The following PDILT variants were observed in gnomAD, a reference collection of about 807,000 sequenced individuals.
PDILT encodes the protein protein disulfide isomerase like, testis expressed, also known as protein disulfide-isomerase-like protein of the testis.
A neutral mutation model predicts 53.7 loss-of-function variants in PDILT; 43 were observed. The observed-to-expected ratio is 0.80, with a 90% CI of 0.63 to 1.03. The LOEUF is 1.03. PDILT is among the 50% of genes least tolerant of loss of function. The probability of loss-of-function intolerance (pLI) is 0.00; values close to 1 mark genes in which losing one functional copy is unlikely to be tolerated. For synonymous variants in PDILT, 282 were observed against 274.2 expected, an observed-to-expected ratio of 1.03 and a Z score of -0.28; for missense variants, 727 against 712.3, an observed-to-expected ratio of 1.02 and a Z score of -0.24.
chr16:20,365,853 C>A (rs938336517), intron 8 of PDILT, among the ~76,000 whole-genome samples: 3 of 151,792 alleles, frequency 2.0e-5, no homozygotes, highest in East Asian at 1.9e-4. Context: ...GAGGCCGAGG[C>A]GGGTGGATCA....
At chr16:20,384,912 GATT>G in intron 2 of PDILT, 61 bp from the exon 3 acceptor site, 1 of 1,522,652 alleles carries the variant, frequency 6.6e-7, no homozygotes, top group Non-Finnish European at 9.1e-7. Flanking sequence ...TCCAACAGTA[GATT>G]ATTTGTTGGG....
intron 3 of PDILT, among the ~76,000 whole-genome samples, chr16:20,382,111 CT>C (rs1328813697): frequency 6.6e-6 from 1 of 152,114 alleles, no homozygotes; most frequent in Non-Finnish European, 1.5e-5. Context: ...GTTGACCAGG[CT>C]GGTCTCAAAC....
Position 20,399,410 on chromosome 16 carries a change from G to C in PDILT, c.-7-103C>G, listed in dbSNP as rs554483313. The stretch of plus-strand genomic sequence containing the variant: ...TCCAGCTGGTCCATGTAGGGTGAAT[G>C]TGGCCTGAGCATTGCCTCCCAGCAA... On this transcript the variant is annotated intron_variant, in intron 1 of 11. Coordinates refer to ENST00000302451, the MANE Select transcript of PDILT (RefSeq NM_174924.2). The C allele has an allele frequency of 9.2e-5, 117 of 1,272,978 alleles. 1 individual carries two copies. In the East Asian group the frequency reaches 2.6e-3, roughly 28 times the overall value. 78.9% of individuals were successfully genotyped at this position (1,272,978 alleles called of 1,614,324 possible). A position where few individuals can be genotyped will look rare whatever the true frequency, so the allele number is the denominator to read the frequency against.
intron 1 of PDILT, among the ~76,000 whole-genome samples, chr16:20,400,012 C>CTCCATCTATCTATCTA (rs1555492345): frequency 7.1e-6 from 1 of 141,716 alleles, no homozygotes; most frequent in African/African-American, 2.7e-5. Flanking sequence ...TTGAATATAT[C>CTCCATCTATCTATCTA]TCTATCTATC....
intron 2 of PDILT, among the ~76,000 whole-genome samples, chr16:20,385,648 A>G (rs1966524533): frequency 6.6e-6 from 1 of 152,080 alleles, no homozygotes; most frequent in South Asian, 2.1e-4. Flanking sequence ...AAAGAACATG[A>G]CTAAGGTGAT....
intron 2 of PDILT, among the ~76,000 whole-genome samples, chr16:20,398,871 C>A (rs1220175150): frequency 1.3e-5 from 2 of 152,218 alleles, no homozygotes; most frequent in Admixed American, 6.5e-5. Flanking sequence ...GAGCCACATA[C>A]AAATCCAAGA....
intron 10 of PDILT, among the ~76,000 whole-genome samples, chr16:20,361,684 A>T (rs182055794): frequency 1.3e-5 from 2 of 152,158 alleles, no homozygotes; most frequent in East Asian, 3.9e-4. Flanking sequence ...TGCTGGGGTC[A>T]CCCTTCTGCC....
rs753509112 is a variant in PDILT at position 20,384,670 on chromosome 16, G to T, written c.384C>A (p.Asn128Lys). 6.2e-7 allele frequency: 1 copy of T among 1,614,164 alleles called. No individual in the cohort carries two copies. The highest frequency in any genetic ancestry group is 1.7e-5 in the Admixed American group (1 of 60,022). Residue 128 changes from asparagine (N) to lysine (K), a missense_variant, in exon 3 of 12, where the codon AAC becomes AAA. Coordinates refer to ENST00000302451, the MANE Select transcript of PDILT (RefSeq NM_174924.2). Reference sequence around the variant, plus strand: ...CTTTGCAGCTGATGGGCTCTGACCTGTTGCCCTCAAAAAACAGCTTCAACT... The same window carrying T: ...CTTTGCAGCTGATGGGCTCTGACCTTTTGCCCTCAAAAAACAGCTTCAACT... ...APELKLFFEGNRSEPISCKGV... is the reference protein window; with the variant it reads ...APELKLFFEGKRSEPISCKGV...
At chr16:20,394,453 T>A (rs1966639298) in intron 2 of PDILT, among the ~76,000 whole-genome samples, 1 of 152,138 alleles carries the variant, frequency 6.6e-6, no homozygotes, top group Non-Finnish European at 1.5e-5. Context: ...TTCCTCTTGG[T>A]GTATACAGCC....
chr16:20,377,302 A>G (rs1330526220), intron 3 of PDILT, among the ~76,000 whole-genome samples: 1 of 152,192 alleles, frequency 6.6e-6, no homozygotes, highest in Non-Finnish European at 1.5e-5. Context: ...TATGAGATAA[A>G]GCAATATTCG....
chr16:20,362,405 T>C lies in PDILT; in HGVS notation c.1415A>G (p.Gln472Arg), dbSNP rs763137688. The change falls in exon 10 of 12, where the codon CAA becomes CGA. Residue 472 changes from glutamine (Q) to arginine (R), a missense_variant and splice_region_variant. Physicochemically the swap from Gln to Arg is conservative, Grantham distance 43. Transcript: ENST00000302451. ...ATGTGCGTCCCAAGAGCCCCTCACT[T>C]GTTGAGAGCCGCTGGGGAACAGCCT... is the stretch of plus-strand genomic sequence containing the variant. ...FFRLFPSGSQ[Q>R]AVLYKGEHTL... 23 of 1,613,832 alleles carry C rather than the reference T, an allele frequency of 1.4e-5. No individual in the cohort carries two copies. Among genetic ancestry groups the C allele is most frequent in the Non-Finnish European group, 1.9e-5 (23 of 1,179,914 alleles).
intron 2 of PDILT, among the ~76,000 whole-genome samples, chr16:20,386,356 A>T (rs965227758): frequency 1.3e-5 from 2 of 152,146 alleles, no homozygotes; most frequent in African/African-American, 4.8e-5. Context: ...GAGCCAGGGC[A>T]GGGGGTCATT....
chr16:20,372,072 AT>A (rs1317217996), intron 7 of PDILT, among the ~76,000 whole-genome samples: 1 of 152,170 alleles, frequency 6.6e-6, no homozygotes, highest in Non-Finnish European at 1.5e-5. Flanking sequence ...GAAGAGAAAA[AT>A]TAATCAACTA....
chr16:20,397,232 C>T (rs555681136), intron 2 of PDILT, among the ~76,000 whole-genome samples: 1 of 152,246 alleles, frequency 6.6e-6, no homozygotes, highest in African/African-American at 2.4e-5. Context: ...ACCTCCTGGG[C>T]TCAAGCGATT....
intron 2 of PDILT, among the ~76,000 whole-genome samples, chr16:20,396,271 G>A (rs372978404): frequency 2.0e-5 from 3 of 152,152 alleles, no homozygotes; most frequent in East Asian, 3.8e-4. Context: ...GGAAGAACTC[G>A]GCTTTACACT....
intron 8 of PDILT, 90 bp downstream of exon 8, chr16:20,369,402 A>G: frequency 7.3e-7 from 1 of 1,372,630 alleles, no homozygotes; most frequent in South Asian, 1.2e-5. Flanking sequence ...GCCTCCACAT[A>G]CAGGTGAGGA....
chr16:20,379,098 C>T (rs1008697550), intron 3 of PDILT, among the ~76,000 whole-genome samples: 22 of 152,048 alleles, frequency 1.4e-4, no homozygotes, highest in Non-Finnish European at 2.5e-4. Flanking sequence ...ACTGCAGCCT[C>T]GATCTCCCAG....
rs142164339 is a variant in PDILT at position 20,366,637 on chromosome 16, C to A, written c.1117-1097G>T. Among the ~76,000 whole-genome samples, 519 of 152,212 alleles carry A rather than the reference C, an allele frequency of 3.4e-3. 4 individuals are homozygous for A. Among genetic ancestry groups the A allele is most frequent in the Non-Finnish European group, 5.6e-3 (379 of 68,006 alleles). ...AATAAATGTTTTGCAACTGAATGAA[C>A]AAAAAATGAGCTCAGCTTTTGCTTC... On this transcript the variant is annotated intron_variant, in intron 8 of 11. Coordinates refer to ENST00000302451, the MANE Select transcript of PDILT (RefSeq NM_174924.2).
intron 3 of PDILT, among the ~76,000 whole-genome samples, chr16:20,383,159 T>A (rs1316765449): frequency 6.6e-6 from 1 of 152,126 alleles, no homozygotes; most frequent in Non-Finnish European, 1.5e-5. Context: ...CTCTGCTAGT[T>A]TCACCCACAG....
Sources: gnomAD v4.1 joint callset for allele counts (sites outside exome capture counted in the v4.1 genomes callset) on GRCh38, gnomAD v4.1.1 for gene constraint, MANE v1.5 for transcripts, NCBI Gene and HGNC (gene_info 2026-07-23, HGNC 2026-07-21) for gene names.